The following PATJ variants were observed in gnomAD, a reference collection of about 807,000 sequenced individuals.
PATJ encodes PATJ crumbs cell polarity complex component.
A neutral mutation model predicts 224.9 loss-of-function variants in PATJ; 190 were observed. The observed-to-expected ratio is 0.84, with a 90% CI of 0.75 to 0.95. The LOEUF is 0.95. Ranked by LOEUF, PATJ falls within the 40% of genes least tolerant of loss-of-function variation. The probability of loss-of-function intolerance (pLI) is 0.00; values close to 1 mark genes in which losing one functional copy is unlikely to be tolerated. For missense variants in PATJ, 2,121 were observed against 2,270.3 expected (o/e 0.93, Z 1.34); for synonymous variants, 769 against 820.3 (o/e 0.94, Z 1.07).
chr1:62,032,411 G>A (rs1649502732), intron 29 of PATJ, among the ~76,000 whole-genome samples: 1 of 152,188 alleles, frequency 6.6e-6, no homozygotes, highest in African/African-American at 2.4e-5. Flanking sequence ...GAAATCTCCA[G>A]ATTTGAAGGG....
chr1:61,814,547 T>TGTGTGTGTGTGTGTGTGCGC (rs370488022), intron 14 of PATJ, among the ~76,000 whole-genome samples: 44 of 142,566 alleles, frequency 3.1e-4, no homozygotes, highest in African/African-American at 1.1e-3. Flanking sequence ...TGTGTGTGTG[T>TGTGTGTGTGTGTGTGTGCGC]GCGCGCGCGC....
chr1:61,993,408 A>T (rs1281954055), intron 28 of PATJ, among the ~76,000 whole-genome samples: 2 of 152,092 alleles, frequency 1.3e-5, no homozygotes, highest in African/African-American at 4.8e-5. Flanking sequence ...CAAACCCCAT[A>T]GTTCAGGGGT....
At chr1:61,852,215 T>G (rs2148890685) in intron 17 of PATJ, among the ~76,000 whole-genome samples, 1 of 150,594 alleles carries the variant, frequency 6.6e-6, no homozygotes, top group Middle Eastern at 3.5e-3. Flanking sequence ...GTGTGTATAA[T>G]AATATAAGCC....
chr1:61,754,042 C>T (rs1461400839), intron 1 of PATJ, among the ~76,000 whole-genome samples: 1 of 152,126 alleles, frequency 6.6e-6, no homozygotes, highest in Non-Finnish European at 1.5e-5. Context: ...AAATTCATGG[C>T]ACAAACTCTC....
At chr1:61,993,623 A>G (rs1645190209) in intron 28 of PATJ, among the ~76,000 whole-genome samples, 1 of 151,792 alleles carries the variant, frequency 6.6e-6, no homozygotes, top group African/African-American at 2.4e-5. Flanking sequence ...GCTCTGTGTC[A>G]GGAACCCAGA....
chr1:62,051,969 C>T (rs1188603528), intron 31 of PATJ, among the ~76,000 whole-genome samples: 1 of 152,094 alleles, frequency 6.6e-6, no homozygotes, highest in African/African-American at 2.4e-5. Context: ...TGCCAAAGGC[C>T]CCCAGCCAGT....
intron 18 of PATJ, among the ~76,000 whole-genome samples, chr1:61,858,265 CT>C (rs1311018149): frequency 1.3e-5 from 2 of 151,858 alleles, no homozygotes; most frequent in African/African-American, 2.4e-5. Flanking sequence ...CAGAGCCATA[CT>C]TTTTTTTCTT....
intron 39 of PATJ, among the ~76,000 whole-genome samples, chr1:62,123,461 A>G (rs924858400): frequency 1.4e-5 from 2 of 140,702 alleles, no homozygotes; most frequent in Non-Finnish European, 3.0e-5. Flanking sequence ...TGAATGTGCT[A>G]TAAGTTTCTT....
chr1:62,081,109 A>G (rs1040169852), intron 32 of PATJ, among the ~76,000 whole-genome samples: 1 of 152,158 alleles, frequency 6.6e-6, no homozygotes, highest in African/African-American at 2.4e-5. Context: ...CTGGCCTGTA[A>G]TGCCCTATTA....
In PATJ at chr1:61,924,931, GGCCGGGCGCGGTGGCTC is replaced by G. The variant is rs1674889258; in HGVS notation, c.3571-2798_3571-2782del. Among the ~76,000 whole-genome samples, 4 of 5,074 alleles carry G rather than the reference GGCCGGGCGCGGTGGCTC, an allele frequency of 7.9e-4. 2 individuals carry two copies. The highest frequency in any genetic ancestry group is 4.3e-3 in the African/African-American group (4 of 940). 3.3% of individuals were successfully genotyped at this position (5,074 alleles called of 152,430 possible). A position where few individuals can be genotyped will look rare whatever the true frequency, so the allele number is the denominator to read the frequency against. ...TTCTTGTACAAAAAGACAGACAGGC[GGCCGGGCGCGGTGGCTC>G]ACGCCTGTAATCCCAGCACTTTGGG... is the stretch of plus-strand genomic sequence containing the variant. On this transcript the variant is annotated intron_variant, in intron 26 of 43. Transcript: ENST00000642238.
rs1557582039 is a variant in PATJ at position 61,754,518 on chromosome 1, A to AT, written c.-35-8339dup. On this transcript the variant is annotated intron_variant, in intron 1 of 43. Coordinates refer to ENST00000642238, the MANE Select transcript of PATJ (RefSeq NM_001350145.3). ...CCACCATGCCTGGCTAATTTTTTGC[A>AT]TGTTTTTTTTTTTTTTTTTTTTTTG... Among the ~76,000 whole-genome samples, 48 of 108,426 alleles carry AT rather than the reference A, an allele frequency of 4.4e-4. 1 individual carries two copies. The highest frequency in any genetic ancestry group is 5.9e-4 in the East Asian group (2 of 3,418). The allele number at this position is 108,426 out of a possible 152,430, so 71.1% of individuals were successfully genotyped here.
chr1:62,057,205 TG>T (rs1654698827), intron 31 of PATJ, among the ~76,000 whole-genome samples: 1 of 152,098 alleles, frequency 6.6e-6, no homozygotes, highest in Admixed American at 6.5e-5. Flanking sequence ...GATTTGACCT[TG>T]AGAGGGAGGG....
chr1:61,927,274 G>A (rs565929305), intron 26 of PATJ, among the ~76,000 whole-genome samples: 2 of 152,210 alleles, frequency 1.3e-5, no homozygotes, highest in East Asian at 1.9e-4. Flanking sequence ...GTCTTTTAAA[G>A]AATAAAATCT....
chr1:61,970,302 C>A (rs1428701310), intron 27 of PATJ, among the ~76,000 whole-genome samples: 1 of 151,884 alleles, frequency 6.6e-6, no homozygotes, highest in African/African-American at 2.4e-5. Context: ...CCCCCACCGA[C>A]ACACGGGCAA....
intron 31 of PATJ, among the ~76,000 whole-genome samples, chr1:62,055,460 C>G (rs778062074): frequency 6.6e-6 from 1 of 152,186 alleles, no homozygotes; most frequent in Non-Finnish European, 1.5e-5. Flanking sequence ...CCGCTATTCG[C>G]TAACAATTAT....
chr1:62,062,414 T>TTTTTTTTTTTTTTTG, intron 31 of PATJ, among the ~76,000 whole-genome samples: 1 of 139,960 alleles, frequency 7.1e-6, no homozygotes, highest in African/African-American at 2.6e-5. Context: ...TTTTTTTTTT[T>TTTTTTTTTTTTTTTG]TTTTTCCTTT....
chr1:61,858,689 C>A (rs1426997907), intron 18 of PATJ, among the ~76,000 whole-genome samples: 1 of 152,154 alleles, frequency 6.6e-6, no homozygotes, highest in Non-Finnish European at 1.5e-5. Flanking sequence ...CCACCTCTAG[C>A]TTTGGGGATT....
chr1:61,846,020 G>A (rs1007831750), intron 17 of PATJ: 1 of 152,162 alleles, frequency 6.6e-6, no homozygotes. Context: ...CATATGCTCA[G>A]TTGAATTTAG....
intron 17 of PATJ, among the ~76,000 whole-genome samples, chr1:61,838,124 G>GTACC (rs1346223173): frequency 6.6e-6 from 1 of 152,180 alleles, no homozygotes; most frequent in African/African-American, 2.4e-5. Flanking sequence ...TTAGCTCTTA[G>GTACC]GGTACAGTGG....
Sources: allele counts gnomAD v4.1 joint callset (sites outside exome capture counted in the v4.1 genomes callset), GRCh38; gene constraint gnomAD v4.1.1; transcripts MANE v1.5; gene names NCBI Gene and HGNC (gene_info 2026-07-23, HGNC 2026-07-21).